The following LRRTM4 variants were observed in gnomAD, a reference collection of about 807,000 sequenced individuals.
LRRTM4 encodes leucine-rich repeat transmembrane neuronal protein 4.
LRRTM4 carries 25 observed loss-of-function variants against 47.6 expected under a neutral mutation model. That is an observed-to-expected ratio of 0.53 (90% CI 0.38 to 0.73). LRRTM4 has a LOEUF of 0.73. Among genes scored for constraint, LRRTM4 ranks in the 30% least tolerant of loss-of-function variants. The pLI is 0.00. For synonymous variants in LRRTM4, 311 were observed against 269.5 expected (o/e 1.15, Z -1.51); for missense variants, 638 against 713.4 (o/e 0.89, Z 1.20).
intron 3 of LRRTM4, among the ~76,000 whole-genome samples, chr2:77,180,853 A>AC (rs1673328269): frequency 6.6e-6 from 1 of 152,136 alleles, no homozygotes; most frequent in Non-Finnish European, 1.5e-5. Flanking sequence ...ATCTCTTCAG[A>AC]CGTTGTATGC....
chr2:77,034,378 G>A (rs1678765687), intron 3 of LRRTM4, among the ~76,000 whole-genome samples: 1 of 151,824 alleles, frequency 6.6e-6, no homozygotes, highest in Non-Finnish European at 1.5e-5. Context: ...GACATTTATT[G>A]CAATCCTTTT....
At chr2:77,024,429 T>C (rs1009825045) in intron 3 of LRRTM4, among the ~76,000 whole-genome samples, 67 of 151,920 alleles carry the variant, frequency 4.4e-4, no homozygotes, top group African/African-American at 1.1e-3. Flanking sequence ...TTCTGTATTA[T>C]GGCTGAATAA....
intron 3 of LRRTM4, among the ~76,000 whole-genome samples, chr2:77,476,678 A>G (rs2104003901): frequency 6.6e-6 from 1 of 152,272 alleles, no homozygotes; most frequent in Non-Finnish European, 1.5e-5. Flanking sequence ...TTCATGACGT[A>G]GAACAATTGT....
chr2:76,861,342 C>T (rs1041480857), intron 3 of LRRTM4, among the ~76,000 whole-genome samples: 5 of 151,984 alleles, frequency 3.3e-5, no homozygotes, highest in Admixed American at 6.6e-5. Context: ...TAAACTGAGT[C>T]ACTAAGAATC....
rs1054944670 is a variant in LRRTM4 at position 76,804,667 on chromosome 2, TA to T, written c.1552-55752del. On this transcript the variant is annotated intron_variant, in intron 3 of 3. Transcript: ENST00000409884. ...CTATATATATAGTAAATATATAGTATAAAAAATATATATTTATACATATATT... is the reference window on the plus strand; with the variant it reads ...CTATATATATAGTAAATATATAGTATAAAAATATATATTTATACATATATT... Among the ~76,000 whole-genome samples the T allele has an allele frequency of 1.2e-3, 173 of 147,900 alleles. 1 individual carries two copies. The highest frequency in any genetic ancestry group is 7.6e-3 in the East Asian group (39 of 5,126).
chr2:77,231,662 T>C (rs901103830), intron 3 of LRRTM4, among the ~76,000 whole-genome samples: 4 of 152,116 alleles, frequency 2.6e-5, no homozygotes, highest in Non-Finnish European at 5.9e-5. Flanking sequence ...AGTGAATAAT[T>C]ATTGAGAACC....
chr2:77,038,308 T>C (rs1448096550), intron 3 of LRRTM4, among the ~76,000 whole-genome samples: 1 of 151,620 alleles, frequency 6.6e-6, no homozygotes, highest in Non-Finnish European at 1.5e-5. Flanking sequence ...CTATTTGCTG[T>C]GAACAGTCAG....
chr2:77,368,177 C>G (rs956296681), intron 3 of LRRTM4, among the ~76,000 whole-genome samples: 1 of 151,640 alleles, frequency 6.6e-6, no homozygotes, highest in African/African-American at 2.4e-5. Flanking sequence ...CATCCAGGAA[C>G]AGGTGTGGGC....
At chr2:77,259,955 G>A (rs1363615353) in intron 3 of LRRTM4, among the ~76,000 whole-genome samples, 3 of 152,118 alleles carry the variant, frequency 2.0e-5, no homozygotes, top group Non-Finnish European at 2.9e-5. Context: ...TGAATGGTAA[G>A]AGAAACACAG....
chr2:76,992,924 A>G (rs1396186651), intron 3 of LRRTM4, among the ~76,000 whole-genome samples: 1 of 151,786 alleles, frequency 6.6e-6, no homozygotes, highest in Non-Finnish European at 1.5e-5. Context: ...ACAAAGAGAG[A>G]CACTTAAACC....
At chr2:77,395,567 C>G (rs1412113994) in intron 3 of LRRTM4, among the ~76,000 whole-genome samples, 2 of 151,958 alleles carry the variant, frequency 1.3e-5, no homozygotes, top group Non-Finnish European at 1.5e-5. Context: ...TCTCAAGCCT[C>G]TTTAGCCAAT....
intron 3 of LRRTM4, among the ~76,000 whole-genome samples, chr2:76,979,095 C>T (rs72925804): frequency 2.8e-4 from 42 of 152,048 alleles, no homozygotes; most frequent in African/African-American, 9.6e-4. Context: ...GGATACCTTG[C>T]CCACATTTAG....
intron 3 of LRRTM4, among the ~76,000 whole-genome samples, chr2:77,514,014 G>C (rs917432313): frequency 1.3e-5 from 2 of 151,870 alleles, no homozygotes; most frequent in Non-Finnish European, 2.9e-5. Context: ...CATTAATTCT[G>C]ATGGAAATAT....
At chr2:77,062,781 T>C (rs980708058) in intron 3 of LRRTM4, among the ~76,000 whole-genome samples, 1 of 152,126 alleles carries the variant, frequency 6.6e-6, no homozygotes, top group Non-Finnish European at 1.5e-5. Context: ...CAAAGTTTAA[T>C]CACTTTTAAG....
chr2:76,806,826 A>AAT (rs1209243723), intron 3 of LRRTM4, among the ~76,000 whole-genome samples: 2 of 152,128 alleles, frequency 1.3e-5, no homozygotes, highest in Non-Finnish European at 2.9e-5. Context: ...TAGGATTTTT[A>AAT]ATATATATTG....
At chr2:76,978,267 T>C (rs1332857496) in intron 3 of LRRTM4, among the ~76,000 whole-genome samples, 1 of 152,026 alleles carries the variant, frequency 6.6e-6, no homozygotes, top group African/African-American at 2.4e-5. Context: ...AATTAATACC[T>C]TGCTAAGGCA....
At chr2:77,325,863 G>C (rs1046563662) in intron 3 of LRRTM4, among the ~76,000 whole-genome samples, 3 of 152,102 alleles carry the variant, frequency 2.0e-5, no homozygotes, top group African/African-American at 7.2e-5. Context: ...TGCTTCTGAA[G>C]AGCTTCAGGA....
chr2:77,461,024 C>A (rs1447375576), intron 3 of LRRTM4, among the ~76,000 whole-genome samples: 2 of 151,870 alleles, frequency 1.3e-5, no homozygotes, highest in Non-Finnish European at 2.9e-5. Flanking sequence ...AAATTTTTAA[C>A]CTAGAGGCAA....
chr2:77,243,414 ATAAAAAAAAATAAAAAAAAT>A (rs1367641595), intron 3 of LRRTM4, among the ~76,000 whole-genome samples: 5 of 127,956 alleles, frequency 3.9e-5, no homozygotes, highest in African/African-American at 1.6e-4. Context: ...CCGTCTCAAA[ATAAAAAAAAATAAAAAAAAT>A]AAAAAAAAAA....
Sources: gnomAD v4.1 joint callset for allele counts (sites outside exome capture counted in the v4.1 genomes callset) on GRCh38, gnomAD v4.1.1 for gene constraint, MANE v1.5 for transcripts, NCBI Gene and HGNC (gene_info 2026-07-23, HGNC 2026-07-21) for gene names.